IL1RAPL1: variants seen among roughly 807,000 people sequenced by gnomAD.
IL1RAPL1 encodes the protein interleukin 1 receptor accessory protein like 1.
IL1RAPL1 carries 3 observed loss-of-function variants against 48.4 expected under a neutral mutation model. That is an observed-to-expected ratio of 0.06 (90% CI 0.03 to 0.16). The LOEUF is 0.16. Ranked by LOEUF, IL1RAPL1 falls within the 10% of genes least tolerant of loss-of-function variation. The pLI is 1.00. For synonymous variants in IL1RAPL1, 185 were observed against 187.7 expected (o/e 0.99, Z 0.12); for missense variants, 349 against 530.6 (o/e 0.66, Z 3.36).
At chrX:29,772,694 G>C (rs965067913) in intron 6 of IL1RAPL1, among the ~76,000 whole-genome samples, 2 of 111,895 alleles carry the variant, frequency 1.8e-5, no homozygotes, top group African/African-American at 6.5e-5. Flanking sequence ...GTTTTCACTG[G>C]AGCAGAGGGT....
chrX:28,929,089 G>A (rs1318637973), intron 2 of IL1RAPL1, among the ~76,000 whole-genome samples: 2 of 111,562 alleles, frequency 1.8e-5, no homozygotes, highest in African/African-American at 6.5e-5. Flanking sequence ...TGTTCTAAAT[G>A]CATTCTTAGA....
chrX:29,208,360 G>A (rs762176656), intron 2 of IL1RAPL1, among the ~76,000 whole-genome samples: 54 of 111,304 alleles, frequency 4.9e-4, no homozygotes, highest in Non-Finnish European at 7.5e-4. Context: ...AACAGTACTG[G>A]GCCTAAAGAG....
At chrX:29,773,668 C>G (rs1929122900) in intron 6 of IL1RAPL1, among the ~76,000 whole-genome samples, 1 of 111,553 alleles carries the variant, frequency 9.0e-6, no homozygotes, top group Admixed American at 9.6e-5. Flanking sequence ...GACTTGACTT[C>G]TGTCTGAGCT....
intron 5 of IL1RAPL1, among the ~76,000 whole-genome samples, chrX:29,533,436 C>T (rs1312658242): frequency 8.9e-6 from 1 of 112,343 alleles, no homozygotes; most frequent in Admixed American, 9.4e-5. Context: ...CATATATCAA[C>T]ATTTATTTTG....
rs768066160 is a variant in IL1RAPL1, at chrX:29,131,272, G to GTATATA, written c.83-151665_83-151664insATATAT. On this transcript the variant is annotated intron_variant, in intron 2 of 10. Coordinates refer to ENST00000378993, the MANE Select transcript of IL1RAPL1 (RefSeq NM_014271.4). ...CTCTAGTTTATATGCCTGTGTGTGTGTGTATATATATATATATATGCTGGC... is the reference window on the plus strand; with the variant it reads ...CTCTAGTTTATATGCCTGTGTGTGTGTATATATGTATATATATATATATATGCTGGC... Among the ~76,000 whole-genome samples, 563 of 80,698 alleles carry GTATATA rather than the reference G, an allele frequency of 7.0e-3. 4 individuals carry two copies. Among genetic ancestry groups the GTATATA allele is most frequent in the African/African-American group, 0.019 (528 of 27,924 alleles). 70.1% of individuals were successfully genotyped at this position (80,698 alleles called of 115,157 possible).
chrX:29,315,280 C>T (rs1034786761), intron 3 of IL1RAPL1, among the ~76,000 whole-genome samples: 3 of 111,680 alleles, frequency 2.7e-5, no homozygotes, highest in African/African-American at 9.7e-5. Flanking sequence ...TAAGAATATT[C>T]GGTGTTTATA....
Position 28,868,306 on chromosome X carries a change from A to G in IL1RAPL1, c.82+78881A>G, listed in dbSNP as rs151152322. 6.2e-3 allele frequency among the ~76,000 whole-genome samples: 694 copies of G among 111,975 alleles called. 9 individuals are homozygous for G. Among genetic ancestry groups the G allele is most frequent in the African/African-American group, 0.022 (674 of 30,874 alleles). On this transcript the variant is annotated intron_variant, in intron 2 of 10. Transcript: ENST00000378993. Reference sequence around the variant, plus strand: ...ACTAGTTAGTTATGTACCTTTAGCTAGTCAGAATTTCTTTCTAATCCTCAG... The same window carrying G: ...ACTAGTTAGTTATGTACCTTTAGCTGGTCAGAATTTCTTTCTAATCCTCAG...
chrX:29,053,662 G>A (rs986704259), intron 2 of IL1RAPL1, among the ~76,000 whole-genome samples: 1 of 111,748 alleles, frequency 8.9e-6, no homozygotes, highest in African/African-American at 3.3e-5. Context: ...GTCCAGAATG[G>A]TATTGCCTAG....
At chrX:28,868,236 C>A (rs1922126207) in intron 2 of IL1RAPL1, among the ~76,000 whole-genome samples, 1 of 111,039 alleles carries the variant, frequency 9.0e-6, no homozygotes, top group African/African-American at 3.3e-5. Context: ...ATGGGCGTAT[C>A]AAGTAGAGAC....
intron 5 of IL1RAPL1, among the ~76,000 whole-genome samples, chrX:29,607,460 A>T (rs757716876): frequency 8.9e-6 from 1 of 112,074 alleles, no homozygotes; most frequent in African/African-American, 3.2e-5. Context: ...AATGGGTATG[A>T]TATGAATAGA....
chrX:28,609,028 G>A (rs1185095403), intron 1 of IL1RAPL1, among the ~76,000 whole-genome samples: 3 of 112,132 alleles, frequency 2.7e-5, no homozygotes, highest in African/African-American at 6.5e-5. Context: ...TTTTAAATAA[G>A]TGACATATTT....
intron 1 of IL1RAPL1, among the ~76,000 whole-genome samples, chrX:28,646,324 C>G (rs745493585): frequency 8.9e-6 from 1 of 112,147 alleles, no homozygotes; most frequent in Non-Finnish European, 1.9e-5. Context: ...ATGCTTAATA[C>G]TGGCTGGCCA....
intron 3 of IL1RAPL1, among the ~76,000 whole-genome samples, chrX:29,366,586 T>TTTG (rs1933460965): frequency 1.7e-5 from 1 of 60,372 alleles, no homozygotes; most frequent in African/African-American, 5.5e-5. Context: ...TTTTTTTTTT[T>TTTG]GAGACAGAGT....
chrX:29,426,648 A>T (rs1300766350), intron 5 of IL1RAPL1, among the ~76,000 whole-genome samples: 1 of 111,957 alleles, frequency 8.9e-6, no homozygotes, highest in Non-Finnish European at 1.9e-5. Context: ...TATTGTGAAG[A>T]TTAAATAAAT....
At chrX:29,897,059 G>T (rs973364122) in intron 6 of IL1RAPL1, among the ~76,000 whole-genome samples, 2 of 112,422 alleles carry the variant, frequency 1.8e-5, no homozygotes, top group Non-Finnish European at 3.8e-5. Context: ...AAGCCTTAGA[G>T]GCTACTAGAG....
chrX:29,284,780 C>A (rs910068715), intron 3 of IL1RAPL1, among the ~76,000 whole-genome samples: 1 of 111,563 alleles, frequency 9.0e-6, no homozygotes, highest in African/African-American at 3.3e-5. Context: ...TGCATCATTC[C>A]TTTGGCAACT....
intron 2 of IL1RAPL1, among the ~76,000 whole-genome samples, chrX:28,830,992 TTCTCTCTC>T (rs1160527555): frequency 4.4e-4 from 7 of 16,069 alleles, no homozygotes; most frequent in South Asian, 5.3e-3. Flanking sequence ...TGCCCAGGGT[TTCTCTCTC>T]TCTCTCTCTC....
intron 1 of IL1RAPL1, among the ~76,000 whole-genome samples, chrX:28,593,276 A>C (rs1933922918): frequency 1.8e-5 from 2 of 111,748 alleles, no homozygotes; most frequent in Non-Finnish European, 3.8e-5. Context: ...AGGGATGACT[A>C]GGTGGCTTGA....
intron 6 of IL1RAPL1, among the ~76,000 whole-genome samples, chrX:29,889,644 CTGTA>C (rs1254894716): frequency 5.4e-5 from 6 of 111,413 alleles, no homozygotes; most frequent in African/African-American, 2.0e-4. Flanking sequence ...TGTGTGTATA[CTGTA>C]TATGTGCGTA....
Sources: allele counts gnomAD v4.1 joint callset (sites outside exome capture counted in the v4.1 genomes callset), GRCh38; gene constraint gnomAD v4.1.1; transcripts MANE v1.5; gene names NCBI Gene and HGNC (gene_info 2026-07-23, HGNC 2026-07-21).